The following TFPI variants were observed in gnomAD, a reference collection of about 807,000 sequenced individuals.
TFPI encodes the protein tissue factor pathway inhibitor, also known as anti-convertin.
A neutral mutation model predicts 34.6 loss-of-function variants in TFPI; 15 were observed. The observed-to-expected ratio is 0.43, with a 90% CI of 0.29 to 0.67. The LOEUF (loss-of-function observed/expected upper bound fraction) is 0.67. Among genes scored for constraint, TFPI ranks in the 30% least tolerant of loss-of-function variants. The probability of loss-of-function intolerance (pLI) is 0.15; values close to 1 mark genes in which losing one functional copy is unlikely to be tolerated. For missense variants in TFPI, 301 were observed against 364.0 expected, an observed-to-expected ratio of 0.83 and a Z score of 1.41; for synonymous variants, 105 against 120.1, an observed-to-expected ratio of 0.87 and a Z score of 0.82.
In TFPI at chr2:187,464,363, T is replaced by A. The variant is rs1431488787; in HGVS notation, c.*2573A>T. The A allele has an allele frequency of 3.3e-5, 5 of 152,232 alleles. No homozygotes were observed. Among genetic ancestry groups the A allele is most frequent in the African/African-American group, 1.2e-4 (5 of 41,460 alleles). 9.4% of individuals were successfully genotyped at this position (152,232 alleles called of 1,614,324 possible). ...CAGGTAAATATATGTATATGCTGAATAATGTAATTCCATATACAATTCACA... is the reference window on the plus strand; with the variant it reads ...CAGGTAAATATATGTATATGCTGAAAAATGTAATTCCATATACAATTCACA... On this transcript the variant is annotated 3_prime_UTR_variant, in exon 8 of 8. Coordinates refer to ENST00000233156, the MANE Select transcript of TFPI (RefSeq NM_006287.6).
At chr2:187,550,520 A>G (rs1257742786) in intron 1 of TFPI, among the ~76,000 whole-genome samples, 2 of 152,142 alleles carry the variant, frequency 1.3e-5, no homozygotes, top group Non-Finnish European at 2.9e-5. Context: ...ACATATACCA[A>G]CACCCAATAA....
In TFPI at chr2:187,487,400, A is replaced by G. The variant is rs535173027; in HGVS notation, c.358+937T>C. ...CTTTATTTTATACATTTTGATTCCA[A>G]TTCTGGTCAGTGAATTGAGCCTAAA... On this transcript the variant is annotated intron_variant, in intron 4 of 7. Coordinates refer to ENST00000233156, the MANE Select transcript of TFPI (RefSeq NM_006287.6). Among the ~76,000 whole-genome samples, 3 of 151,536 alleles carry G rather than the reference A, an allele frequency of 2.0e-5. No individual in the cohort carries two copies. In the South Asian group the frequency reaches 6.2e-4, roughly 31 times the overall value.
intron 3 of TFPI, among the ~76,000 whole-genome samples, chr2:187,496,591 A>G (rs1332771323): frequency 6.6e-6 from 1 of 152,134 alleles, no homozygotes; most frequent in Non-Finnish European, 1.5e-5. Context: ...ATGATAGTTG[A>G]ACATGCAAGT....
rs1458836753 is a variant in TFPI, at chr2:187,503,790, C to T, written c.-2-20G>A. The T allele has an allele frequency of 3.7e-6, 6 of 1,608,858 alleles. No homozygotes were observed. The highest frequency in any genetic ancestry group is 2.2e-5 in the South Asian group (2 of 90,570). ...TCATCTCTGAAATACAGAACCCATA[C>T]ATATCTAATAAATAAAGTGTTAATA... On this transcript the variant is annotated intron_variant, in intron 1 of 7. Coordinates refer to ENST00000233156, the MANE Select transcript of TFPI (RefSeq NM_006287.6).
intron 6 of TFPI, among the ~76,000 whole-genome samples, chr2:187,476,563 C>T (rs1181185653): frequency 6.6e-6 from 1 of 152,142 alleles, no homozygotes; most frequent in African/African-American, 2.4e-5. Flanking sequence ...TGGTCTTGAA[C>T]TCCTGGGCTC....
chr2:187,481,704 G>A (rs535344025), intron 6 of TFPI, among the ~76,000 whole-genome samples: 11 of 152,014 alleles, frequency 7.2e-5, no homozygotes, highest in Non-Finnish European at 1.5e-4. Context: ...TTAGAAAAAG[G>A]AAAAGGGGTC....
At chr2:187,488,286 T>A in intron 4 of TFPI, 51 bp downstream of exon 4, 1 of 1,474,250 alleles carries the variant, frequency 6.8e-7, no homozygotes, top group Non-Finnish European at 9.2e-7. Context: ...AAATTGAATA[T>A]CTAAATGCCT....
At chr2:187,527,814 T>G (rs1687756095) in intron 1 of TFPI, among the ~76,000 whole-genome samples, 1 of 152,136 alleles carries the variant, frequency 6.6e-6, no homozygotes, top group Non-Finnish European at 1.5e-5. Flanking sequence ...TTGACAATAA[T>G]ACTGTGCAAG....
intron 1 of TFPI, among the ~76,000 whole-genome samples, chr2:187,520,926 A>G (rs1452907098): frequency 6.6e-6 from 1 of 151,992 alleles, no homozygotes; most frequent in Non-Finnish European, 1.5e-5. Flanking sequence ...CTCCATCAAT[A>G]TGAGTTTTTA....
chr2:187,480,162 A>G (rs1196519574), intron 6 of TFPI, among the ~76,000 whole-genome samples: 1 of 152,052 alleles, frequency 6.6e-6, no homozygotes, highest in African/African-American at 2.4e-5. Flanking sequence ...TTGAGACTGT[A>G]TATTTACTGA....
At chr2:187,488,790 A>G (rs1160954869) in intron 3 of TFPI, among the ~76,000 whole-genome samples, 2 of 151,490 alleles carry the variant, frequency 1.3e-5, no homozygotes, top group African/African-American at 4.8e-5. Flanking sequence ...AACCAGAATT[A>G]TTTCCTTTCC....
intron 1 of TFPI, among the ~76,000 whole-genome samples, chr2:187,545,990 T>G (rs970529013): frequency 1.3e-5 from 2 of 151,878 alleles, no homozygotes; most frequent in Non-Finnish European, 2.9e-5. Flanking sequence ...GGAGAAGAGA[T>G]CATTAGAAAA....
At position 187,467,867 on chromosome 2, in the gene TFPI, T is replaced by C; in HGVS notation, c.694A>G (p.Arg232Gly). 6 of 1,612,622 alleles carry C rather than the reference T, an allele frequency of 3.7e-6. No homozygotes were observed. The highest frequency in any genetic ancestry group is 5.1e-6 in the Non-Finnish European group (6 of 1,179,312). Reference sequence around the variant, plus strand: ...CCAATGACTGAATTGTAGTAGAATCTGTTCTCATTGGCACGACACAATCCT... The same window carrying C: ...CCAATGACTGAATTGTAGTAGAATCCGTTCTCATTGGCACGACACAATCCT... ...DRGLCRANEN[R>G]FYYNSVIGKC... is the part of the protein sequence containing the mutation. The change falls in exon 7 of 8, where the codon AGA (arginine) becomes GGA (glycine). Residue 232 changes from arginine to glycine, a missense_variant. Arg to Gly is a moderately radical substitution (Grantham distance 125). Transcript: ENST00000233156.
intron 1 of TFPI, among the ~76,000 whole-genome samples, chr2:187,534,818 G>A (rs544445009): frequency 1.3e-5 from 2 of 151,818 alleles, no homozygotes; most frequent in Non-Finnish European, 2.9e-5. Flanking sequence ...GTATTCAGGA[G>A]TCCCATGTCA....
intron 1 of TFPI, among the ~76,000 whole-genome samples, chr2:187,506,834 C>T (rs1180106111): frequency 1.3e-5 from 2 of 152,090 alleles, no homozygotes; most frequent in Non-Finnish European, 2.9e-5. Flanking sequence ...TGATCTTAAA[C>T]ACCTGACTGG....
chr2:187,482,139 C>A (rs2106002111), intron 6 of TFPI, among the ~76,000 whole-genome samples: 1 of 152,108 alleles, frequency 6.6e-6, no homozygotes, highest in South Asian at 2.1e-4. Flanking sequence ...CTAACCTACT[C>A]TACTCACTTT....
At chr2:187,471,090 G>C (rs1243284044) in intron 6 of TFPI, among the ~76,000 whole-genome samples, 1 of 152,204 alleles carries the variant, frequency 6.6e-6, no homozygotes, top group South Asian at 2.1e-4. Context: ...TGTATTATGT[G>C]TAATTAACTT....
rs1379721982 is a variant in TFPI, at chr2:187,465,335, C to T, written c.*1601G>A. The T allele has an allele frequency of 2.0e-5, 3 of 151,626 alleles. No homozygotes were observed. The highest frequency in any genetic ancestry group is 4.4e-5 in the Non-Finnish European group (3 of 67,922). 9.4% of individuals were successfully genotyped at this position (151,626 alleles called of 1,614,324 possible). ...GCCTAGGTAACGTGGTGAAACTCGT[C>T]TCTACAAAAATTACATAAATTAGCT... On this transcript the variant is annotated 3_prime_UTR_variant, in exon 8 of 8. Transcript: ENST00000233156.
chr2:187,510,435 GC>G (rs1686541137), intron 1 of TFPI, among the ~76,000 whole-genome samples: 1 of 152,084 alleles, frequency 6.6e-6, no homozygotes, highest in African/African-American at 2.4e-5. Flanking sequence ...AAAAAACCCT[GC>G]CCACCCCTCT....
Sources: gnomAD v4.1 joint callset for allele counts (sites outside exome capture counted in the v4.1 genomes callset) on GRCh38, gnomAD v4.1.1 for gene constraint, MANE v1.5 for transcripts, NCBI Gene and HGNC (gene_info 2026-07-23, HGNC 2026-07-21) for gene names.